The following LARP1B variants were observed in gnomAD, a reference collection of about 807,000 sequenced individuals.
The protein encoded by LARP1B is La ribonucleoprotein 1B, also known as la-related protein 1B.
LARP1B carries 76 observed loss-of-function variants against 114.2 expected under a neutral mutation model. That is an observed-to-expected ratio of 0.67 (90% confidence interval 0.55 to 0.81). LARP1B has a LOEUF of 0.81. LARP1B is among the 30% of genes least tolerant of loss of function. The probability of loss-of-function intolerance (pLI) is 0.00; values close to 1 mark genes in which losing one functional copy is unlikely to be tolerated. For synonymous variants in LARP1B, 345 were observed against 348.0 expected (o/e 0.99, Z 0.10); for missense variants, 1,014 against 1,075.8 (o/e 0.94, Z 0.80).
At chr4:128,149,039 T>C (rs1731538401) in intron 11 of LARP1B, among the ~76,000 whole-genome samples, 1 of 152,246 alleles carries the variant, frequency 6.6e-6, no homozygotes, top group Non-Finnish European at 1.5e-5. Context: ...TGGGCACTTT[T>C]CAGTGGTCAG....
At chr4:128,076,476 T>C (rs550616005) in intron 3 of LARP1B, among the ~76,000 whole-genome samples, 5 of 152,310 alleles carry the variant, frequency 3.3e-5, no homozygotes, top group South Asian at 4.1e-4. Context: ...TACTGAGTAG[T>C]ATGGATGTAA....
At chr4:128,147,631 T>C (rs1270267293) in intron 11 of LARP1B, among the ~76,000 whole-genome samples, 1 of 152,304 alleles carries the variant, frequency 6.6e-6, no homozygotes, top group Non-Finnish European at 1.5e-5. Flanking sequence ...GAAAATCTTG[T>C]GTTTCAAAGA....
intron 15 of LARP1B, among the ~76,000 whole-genome samples, chr4:128,193,669 T>A (rs961426883): frequency 1.3e-5 from 2 of 152,114 alleles, no homozygotes; most frequent in East Asian, 3.8e-4. Flanking sequence ...CAGGTTGGAG[T>A]GCAATGGAGT....
intron 7 of LARP1B, chr4:128,092,662 A>G (rs1014215883): frequency 2.1e-6 from 1 of 486,812 alleles, no homozygotes; most frequent in African/African-American, 2.1e-5. Context: ...CTGTTACTAG[A>G]AAATTTCTTT....
chr4:128,095,441 A>T (rs1777544345), intron 7 of LARP1B, among the ~76,000 whole-genome samples: 1 of 148,160 alleles, frequency 6.7e-6, no homozygotes, highest in African/African-American at 2.5e-5. Flanking sequence ...GTGAGCCGAG[A>T]TCATGCCATC....
chr4:128,204,550 G>A (rs1425461586), intron 17 of LARP1B, among the ~76,000 whole-genome samples: 1 of 151,940 alleles, frequency 6.6e-6, no homozygotes, highest in Non-Finnish European at 1.5e-5. Context: ...AGCTACTTGG[G>A]AGGCTGAGGC....
intron 1 of LARP1B, among the ~76,000 whole-genome samples, chr4:128,065,253 A>ATTAATTTCTTTC (rs1553982285): frequency 2.8e-4 from 25 of 89,540 alleles, no homozygotes; most frequent in East Asian, 6.7e-4. Context: ...CCCACAATTA[A>ATTAATTTCTTTC]TTTCTTTCTT....
chr4:128,210,043 A>G lies in LARP1B; in HGVS notation c.2735A>G (p.Asn912Ser), dbSNP rs1758706265. Reference sequence around the variant, plus strand: ...AATATTTCACCGGAGTCCAGTGACAATTCACATTAAACAGTGCTGCCTGTG... The same window carrying G: ...AATATTTCACCGGAGTCCAGTGACAGTTCACATTAAACAGTGCTGCCTGTG... ...RRNISPESSD[N>S]SH Residue 912 changes from asparagine (N) to serine (S), a missense_variant, in exon 20 of 20, where the codon AAT becomes AGT. Physicochemically the swap from Asn to Ser is conservative, Grantham distance 46. Transcript: ENST00000326639. 1 of 1,613,860 alleles carries G rather than the reference A, an allele frequency of 6.2e-7. No individual in the cohort carries two copies. Among genetic ancestry groups the G allele is most frequent in the Admixed American group, 1.7e-5 (1 of 60,002 alleles).
intron 5 of LARP1B, among the ~76,000 whole-genome samples, chr4:128,083,889 C>T (rs1334882947): frequency 1.3e-5 from 2 of 151,034 alleles, no homozygotes; most frequent in East Asian, 2.0e-4. Context: ...GGCAGAGGGG[C>T]TCCTCACTTC....
chr4:128,129,551 CA>C (rs112750653), intron 11 of LARP1B, among the ~76,000 whole-genome samples: 1 of 151,864 alleles, frequency 6.6e-6, no homozygotes, highest in Non-Finnish European at 1.5e-5. Flanking sequence ...TCTCCAGAGG[CA>C]AAAAACACCT....
At chr4:128,074,215 C>T (rs1171919946) in intron 1 of LARP1B, among the ~76,000 whole-genome samples, 1 of 152,182 alleles carries the variant, frequency 6.6e-6, no homozygotes, top group Non-Finnish European at 1.5e-5. Context: ...GCTGGGATTA[C>T]AGGCGTGAGC....
intron 10 of LARP1B, among the ~76,000 whole-genome samples, chr4:128,119,340 G>A (rs1412159540): frequency 2.6e-5 from 4 of 152,172 alleles, no homozygotes; most frequent in Non-Finnish European, 5.9e-5. Flanking sequence ...ATTCATTGGT[G>A]AAATTACCTT....
At chr4:128,118,725 CATT>C (rs1423822492) in intron 10 of LARP1B, among the ~76,000 whole-genome samples, 1 of 151,814 alleles carries the variant, frequency 6.6e-6, no homozygotes, top group Non-Finnish European at 1.5e-5. Flanking sequence ...TTATTTCCAT[CATT>C]GTTTTGGTTG....
rs975226823 is a variant in LARP1B, at chr4:128,061,344, A to G, written c.-135A>G. On this transcript the variant is annotated 5_prime_UTR_variant, in exon 1 of 20. Transcript: ENST00000326639. ...AGCTTTGGCTGCTCGCGCCTCCCCA[A>G]CTCGGGTAAAGCTCCTCGGCCTCGG... 5.3e-5 allele frequency: 8 copies of G among 151,898 alleles called. No individual in the cohort carries two copies. In the South Asian group the frequency reaches 6.2e-4, roughly 12 times the overall value. 9.4% of individuals were successfully genotyped at this position (151,898 alleles called of 1,614,324 possible).
intron 11 of LARP1B, among the ~76,000 whole-genome samples, chr4:128,153,402 C>T (rs1209814144): frequency 6.6e-6 from 1 of 151,866 alleles, no homozygotes; most frequent in East Asian, 1.9e-4. Context: ...CTGCAACTTC[C>T]GCCTCCCGGA....
chr4:128,123,313 A>G, intron 11 of LARP1B: 1 of 985,404 alleles, frequency 1.0e-6, no homozygotes. Flanking sequence ...GTGTTTTTAT[A>G]ATGCTTCTCA....
Position 128,207,270 on chromosome 4 carries a change from C to T in LARP1B, c.2434C>T (p.Leu812=). The part of the protein sequence containing the change: ...KDYESGQLYG[L]EKFWAYLKYS... ...TTTGTTATTAGGTCAGCTGTATGGACTAGAAAAGTTTTGGGCTTATTTGAA... is the reference window on the plus strand; with the variant it reads ...TTTGTTATTAGGTCAGCTGTATGGATTAGAAAAGTTTTGGGCTTATTTGAA... The change falls in exon 19 of 20, where the codon CTA becomes TTA. Residue 812 remains leucine (L), a synonymous_variant. Transcript: ENST00000326639. 1 of 1,465,828 alleles carries T rather than the reference C, an allele frequency of 6.8e-7. No individual in the cohort carries two copies. The highest frequency in any genetic ancestry group is 9.2e-7 in the Non-Finnish European group (1 of 1,090,388). 90.8% of individuals were successfully genotyped at this position (1,465,828 alleles called of 1,614,324 possible). A position where few individuals can be genotyped will look rare whatever the true frequency, so the allele number is the denominator to read the frequency against.
At position 128,122,450 on chromosome 4, in the gene LARP1B, T is replaced by TG. The variant is rs1435928598; in HGVS notation, c.1524+262_1524+263insG. The TG allele has an allele frequency of 6.1e-5, 92 of 1,512,372 alleles. No homozygotes were observed. The African/African-American group carries it at 1.1e-3, about 19-fold the overall frequency. The allele number at this position is 1,512,372 out of a possible 1,614,324, so 93.7% of individuals were successfully genotyped here. A position where few individuals can be genotyped will look rare whatever the true frequency, so the allele number is the denominator to read the frequency against. On this transcript the variant is annotated intron_variant, in intron 11 of 19. Coordinates refer to ENST00000326639, the MANE Select transcript of LARP1B (RefSeq NM_018078.4). ...GACTTATACCCTTGTTTTTTTTTTT[T>TG]TTTGTTTTGTTTTTTTTTGTTTTTG...
chr4:128,083,825 C>G (rs574497888), intron 5 of LARP1B, among the ~76,000 whole-genome samples: 1 of 150,478 alleles, frequency 6.6e-6, no homozygotes. Context: ...CCCTCCCGGA[C>G]GGGGCGGCTG....
Sources: gnomAD v4.1 joint callset for allele counts (sites outside exome capture counted in the v4.1 genomes callset) on GRCh38, gnomAD v4.1.1 for gene constraint, MANE v1.5 for transcripts, NCBI Gene and HGNC (gene_info 2026-07-23, HGNC 2026-07-21) for gene names.